TBC1D5: variants seen among roughly 807,000 people sequenced by gnomAD.
The protein encoded by TBC1D5 is TBC1 domain family member 5, also known as TBC1 domain family, member 5.
A neutral mutation model predicts 100.3 loss-of-function variants in TBC1D5; 75 were observed. The observed-to-expected ratio is 0.75, with a 90% CI of 0.62 to 0.91. The LOEUF is 0.91. Ranked by LOEUF, TBC1D5 falls within the 40% of genes least tolerant of loss-of-function variation. The probability of loss-of-function intolerance (pLI) is 0.00; values close to 1 mark genes in which losing one functional copy is unlikely to be tolerated. For missense variants in TBC1D5, 910 were observed against 942.4 expected (o/e 0.97, Z 0.45); for synonymous variants, 323 against 325.6 (o/e 0.99, Z 0.09).
chr3:17,372,467 A>T (rs895539493), intron 12 of TBC1D5, among the ~76,000 whole-genome samples: 3 of 152,212 alleles, frequency 2.0e-5, no homozygotes, highest in Non-Finnish European at 4.4e-5. Context: ...TTCATATATA[A>T]GGGTAATTAA....
chr3:17,564,509 A>C (rs560558177), intron 2 of TBC1D5, among the ~76,000 whole-genome samples: 1 of 152,350 alleles, frequency 6.6e-6, no homozygotes, highest in South Asian at 2.1e-4. Context: ...ATTAGTGTAC[A>C]AAGTGACAAT....
In TBC1D5 at chr3:17,631,059, A is replaced by AAAAAAAAAAAAG. The variant is rs1553888485; in HGVS notation, c.-100-7147_-100-7146insCTTTTTTTTTTT. ...ACTCCGTCTCAAAAAAAAAAAAAAA[A>AAAAAAAAAAAAG]AAAGTTAGGCCTCCTGAACCAAAAA... On this transcript the variant is annotated intron_variant, in intron 1 of 21. Transcript: ENST00000253692. Among the ~76,000 whole-genome samples, 2 of 133,366 alleles carry AAAAAAAAAAAAG rather than the reference A, an allele frequency of 1.5e-5. 1 individual carries two copies. The highest frequency in any genetic ancestry group is 3.1e-5 in the Non-Finnish European group (2 of 64,034). 87.5% of individuals were successfully genotyped at this position (133,366 alleles called of 152,430 possible). A position where few individuals can be genotyped will look rare whatever the true frequency, so the allele number is the denominator to read the frequency against.
At chr3:17,698,079 T>C (rs1259824302) in intron 1 of TBC1D5, among the ~76,000 whole-genome samples, 2 of 151,750 alleles carry the variant, frequency 1.3e-5, no homozygotes, top group Admixed American at 6.6e-5. Flanking sequence ...GAGCCCACAT[T>C]GCCAAGTCAA....
chr3:17,522,659 C>A (rs2096075869), intron 2 of TBC1D5, among the ~76,000 whole-genome samples: 1 of 152,088 alleles, frequency 6.6e-6, no homozygotes, highest in Admixed American at 6.5e-5. Context: ...TACAGAGGAG[C>A]TACACAAACC....
intron 1 of TBC1D5, among the ~76,000 whole-genome samples, chr3:17,697,999 A>C: frequency 6.6e-6 from 1 of 151,992 alleles, no homozygotes; most frequent in Non-Finnish European, 1.5e-5. Context: ...TGCCATCCCC[A>C]TCAAGCTACC....
At chr3:17,392,871 T>G (rs955087818) in intron 8 of TBC1D5, among the ~76,000 whole-genome samples, 1 of 152,156 alleles carries the variant, frequency 6.6e-6, no homozygotes, top group Non-Finnish European at 1.5e-5. Flanking sequence ...ATCCTTTGGG[T>G]ATGTACCCAG....
chr3:17,382,816 C>A (rs1325941699), intron 9 of TBC1D5, among the ~76,000 whole-genome samples: 1 of 152,086 alleles, frequency 6.6e-6, no homozygotes, highest in Non-Finnish European at 1.5e-5. Context: ...CCTGCCTCAG[C>A]CTTACAAAGT....
intron 3 of TBC1D5, among the ~76,000 whole-genome samples, chr3:17,508,258 A>T (rs745890299): frequency 2.6e-5 from 4 of 152,198 alleles, no homozygotes; most frequent in Non-Finnish European, 5.9e-5. Context: ...AGTGCGTTAA[A>T]CATTTGGCTA....
chr3:17,670,346 A>G (rs1468578714), intron 1 of TBC1D5, among the ~76,000 whole-genome samples: 1 of 152,252 alleles, frequency 6.6e-6, no homozygotes, highest in Non-Finnish European at 1.5e-5. Context: ...AAGCATGCAC[A>G]TTATATGGTG....
At chr3:17,664,097 T>A (rs1469315024) in intron 1 of TBC1D5, among the ~76,000 whole-genome samples, 1 of 152,108 alleles carries the variant, frequency 6.6e-6, no homozygotes, top group Non-Finnish European at 1.5e-5. Flanking sequence ...TGAGATGGAG[T>A]CTCACTCTGT....
chr3:17,357,566 T>C (rs2091328791), intron 13 of TBC1D5, among the ~76,000 whole-genome samples: 1 of 152,162 alleles, frequency 6.6e-6, no homozygotes, highest in South Asian at 2.1e-4. Flanking sequence ...CAAGAGGCAT[T>C]TGTTATATGG....
chr3:17,671,070 C>T (rs1005136729), intron 1 of TBC1D5, among the ~76,000 whole-genome samples: 1 of 152,236 alleles, frequency 6.6e-6, no homozygotes, highest in Non-Finnish European at 1.5e-5. Flanking sequence ...AATTTACCAA[C>T]TCCGTATCTT....
intron 3 of TBC1D5, among the ~76,000 whole-genome samples, chr3:17,445,796 T>C (rs1436476197): frequency 6.6e-6 from 1 of 152,222 alleles, no homozygotes; most frequent in African/African-American, 2.4e-5. Context: ...TAGGGTTCAG[T>C]ACTATCTGTG....
intron 2 of TBC1D5, among the ~76,000 whole-genome samples, chr3:17,623,108 C>T (rs1334935450): frequency 6.6e-6 from 1 of 152,144 alleles, no homozygotes; most frequent in Non-Finnish European, 1.5e-5. Context: ...TTAAAACACA[C>T]ATACACACAG....
At chr3:17,544,365 G>C (rs1258993222) in intron 2 of TBC1D5, among the ~76,000 whole-genome samples, 1 of 152,132 alleles carries the variant, frequency 6.6e-6, no homozygotes, top group African/African-American at 2.4e-5. Flanking sequence ...GAAAACTTAA[G>C]AACTCGGCCG....
At chr3:17,710,728 C>T (rs991835975) in intron 1 of TBC1D5, among the ~76,000 whole-genome samples, 2 of 151,998 alleles carry the variant, frequency 1.3e-5, no homozygotes, top group South Asian at 2.1e-4. Flanking sequence ...GACAGAGCCT[C>T]GCTCTGTTGC....
At chr3:17,249,343 T>C (rs1354734235) in intron 16 of TBC1D5, among the ~76,000 whole-genome samples, 1 of 152,238 alleles carries the variant, frequency 6.6e-6, no homozygotes, top group Admixed American at 6.5e-5. Flanking sequence ...TGATATAAAG[T>C]GAGAGATGTG....
At position 17,483,717 on chromosome 3, in the gene TBC1D5, T is replaced by C. The variant is rs185447417; in HGVS notation, c.97+24757A>G. 3.5e-3 allele frequency among the ~76,000 whole-genome samples: 530 copies of C among 152,320 alleles called. 4 individuals are homozygous for C. Among genetic ancestry groups the C allele is most frequent in the African/African-American group, 0.012 (502 of 41,568 alleles). On this transcript the variant is annotated intron_variant, in intron 3 of 21. Coordinates refer to ENST00000253692, the Ensembl canonical transcript of TBC1D5. Reference sequence around the variant, plus strand: ...GTATAGAAATGTGTTAGATATTTACTGCATTTTTGGGTGAAATTTAACAAG... The same window carrying C: ...GTATAGAAATGTGTTAGATATTTACCGCATTTTTGGGTGAAATTTAACAAG...
intron 13 of TBC1D5, among the ~76,000 whole-genome samples, chr3:17,318,929 C>T (rs1372787975): frequency 6.6e-6 from 1 of 152,124 alleles, no homozygotes; most frequent in Non-Finnish European, 1.5e-5. Flanking sequence ...ATGGTAATTA[C>T]AGCTATAGGA....
Sources: allele counts gnomAD v4.1 joint callset (sites outside exome capture counted in the v4.1 genomes callset), GRCh38; gene constraint gnomAD v4.1.1; transcripts MANE v1.5; gene names NCBI Gene and HGNC (gene_info 2026-07-23, HGNC 2026-07-21).